Variants in GFRA1 observed in about 807,000 individuals in gnomAD.
The protein encoded by GFRA1 is GDNF family receptor alpha-1.
GFRA1 carries 16 observed loss-of-function variants against 51.6 expected under a neutral mutation model. That is an observed-to-expected ratio of 0.31 (90% CI 0.21 to 0.47). The LOEUF is 0.47. Ranked by LOEUF, GFRA1 falls within the 20% of genes least tolerant of loss-of-function variation. The pLI is 1.00. For synonymous variants in GFRA1, 270 were observed against 241.3 expected (o/e 1.12, Z -1.10); for missense variants, 530 against 594.3 (o/e 0.89, Z 1.13).
rs1417212665 is a variant in GFRA1 at position 116,142,393 on chromosome 10, T to C, written c.434-16836A>G. 2.6e-5 allele frequency among the ~76,000 whole-genome samples: 4 copies of C among 152,310 alleles called. No individual in the cohort carries two copies. The Middle Eastern group carries it at 0.01, about 389-fold the overall frequency. On this transcript the variant is annotated intron_variant, in intron 5 of 10. Coordinates refer to ENST00000355422, the MANE Select transcript of GFRA1 (RefSeq NM_005264.8). Reference sequence around the variant, plus strand: ...GCATCTTTCAGTTCACAGTCCTGAGTTGAAGCCCTTTTATAAGTTGGATTC... The same window carrying C: ...GCATCTTTCAGTTCACAGTCCTGAGCTGAAGCCCTTTTATAAGTTGGATTC...
intron 6 of GFRA1, among the ~76,000 whole-genome samples, chr10:116,104,390 T>C (rs1443701863): frequency 6.6e-6 from 1 of 152,190 alleles, no homozygotes; most frequent in Non-Finnish European, 1.5e-5. Flanking sequence ...CCTTGGCAGC[T>C]CTTGGCTGCG....
intron 5 of GFRA1, among the ~76,000 whole-genome samples, chr10:116,179,364 C>A (rs769511299): frequency 6.6e-6 from 1 of 152,256 alleles, no homozygotes. Context: ...AAGTATTTGG[C>A]TTTTATTTAT....
intron 5 of GFRA1, among the ~76,000 whole-genome samples, chr10:116,179,014 C>T (rs1321501124): frequency 2.0e-5 from 3 of 152,240 alleles, no homozygotes; most frequent in South Asian, 4.2e-4. Flanking sequence ...CCCCGGTTAC[C>T]GACTGCTGGT....
rs928694307 is a variant in GFRA1 at position 116,093,709 on chromosome 10, T to C, written c.1008A>G (p.Thr336=). The C allele has an allele frequency of 6.2e-6, 10 of 1,613,890 alleles. No homozygotes were observed. The highest frequency in any genetic ancestry group is 8.5e-6 in the Non-Finnish European group (10 of 1,179,736). The part of the protein sequence containing the change: ...LKFLNFFKDN[T]CLKNAIQAFG... The stretch of plus-strand genomic sequence containing the variant: ...TATTTTTTACAAACTCACTAAGACA[T>C]GTATTGTCCTTGAAGAAATTCAAAA... The change falls in exon 8 of 11, where the codon ACA becomes ACG. Residue 336 remains threonine (T), a synonymous_variant. Transcript: ENST00000355422.
chr10:116,181,198 G>T (rs539651617), intron 5 of GFRA1, among the ~76,000 whole-genome samples: 1 of 152,320 alleles, frequency 6.6e-6, no homozygotes, highest in Non-Finnish European at 1.5e-5. Flanking sequence ...GTGTGTGGGA[G>T]GTACTGCTAT....
rs533400798 is a variant in GFRA1, at chr10:116,247,274, A to G, written c.418+22229T>C. 9.9e-5 allele frequency among the ~76,000 whole-genome samples: 15 copies of G among 152,284 alleles called. No homozygotes were observed. In the South Asian group the frequency reaches 3.1e-3, roughly 32 times the overall value. ...TATGACCTGTGGGTCCCTTGAATCT[A>G]ACTGCTTCTCATCACTAACCCAAGT... On this transcript the variant is annotated intron_variant, in intron 4 of 10. Coordinates refer to ENST00000355422, the MANE Select transcript of GFRA1 (RefSeq NM_005264.8).
intron 4 of GFRA1, among the ~76,000 whole-genome samples, chr10:116,251,581 C>T (rs1349183120): frequency 6.6e-6 from 1 of 152,196 alleles, no homozygotes; most frequent in South Asian, 2.1e-4. Flanking sequence ...GAGACTCTAA[C>T]TCAGGTGTCT....
intron 6 of GFRA1, among the ~76,000 whole-genome samples, chr10:116,120,512 G>C (rs1322166911): frequency 6.6e-6 from 1 of 152,156 alleles, no homozygotes; most frequent in Non-Finnish European, 1.5e-5. Context: ...TAGAGCCCAG[G>C]AGTTAGAGGC....
chr10:116,209,620 T>G (rs1157184649), intron 5 of GFRA1, among the ~76,000 whole-genome samples: 1 of 151,982 alleles, frequency 6.6e-6, no homozygotes, highest in African/African-American at 2.4e-5. Flanking sequence ...CTTGTTGATT[T>G]CTAGCACAAT....
chr10:116,087,461 A>G (rs1045659084), intron 9 of GFRA1, among the ~76,000 whole-genome samples: 2 of 152,188 alleles, frequency 1.3e-5, no homozygotes, highest in African/African-American at 4.8e-5. Context: ...TGACAAGGCA[A>G]CTTTTGTTTT....
In GFRA1 at chr10:116,064,266, A is replaced by T; in HGVS notation, c.*132T>A. The T allele has an allele frequency of 8.8e-6, 7 of 797,686 alleles. No homozygotes were observed. In the South Asian group the frequency reaches 1.2e-4, roughly 13 times the overall value. 49.4% of individuals were successfully genotyped at this position (797,686 alleles called of 1,614,324 possible). A position where few individuals can be genotyped will look rare whatever the true frequency, so the allele number is the denominator to read the frequency against. ...AAGCTTTCTTAAAAGGAAAAAAAAAAAATGTTCCAGTTGAATGGAACTGTT... is the reference window on the plus strand; with the variant it reads ...AAGCTTTCTTAAAAGGAAAAAAAAATAATGTTCCAGTTGAATGGAACTGTT... On this transcript the variant is annotated 3_prime_UTR_variant, in exon 11 of 11. Transcript: ENST00000355422.
chr10:116,126,875 T>C (rs984757197), intron 5 of GFRA1, among the ~76,000 whole-genome samples: 4 of 152,196 alleles, frequency 2.6e-5, no homozygotes, highest in African/African-American at 9.7e-5. Context: ...GTGCATTTGC[T>C]GCACGTCTAA....
rs147758515 is a variant in GFRA1 at position 116,265,776 on chromosome 10, C to T, written c.418+3727G>A. Reference sequence around the variant, plus strand: ...CACTTCTGTGTTCCTGCCTCTCCTCCGACATCCTCTTGCACCGGCGCACTT... The same window carrying T: ...CACTTCTGTGTTCCTGCCTCTCCTCTGACATCCTCTTGCACCGGCGCACTT... On this transcript the variant is annotated intron_variant, in intron 4 of 10. Coordinates refer to ENST00000355422, the MANE Select transcript of GFRA1 (RefSeq NM_005264.8). Among the ~76,000 whole-genome samples, 479 of 152,250 alleles carry T rather than the reference C, an allele frequency of 3.1e-3. 2 individuals carry two copies. The highest frequency in any genetic ancestry group is 4.8e-3 in the Non-Finnish European group (327 of 68,022).
chr10:116,151,731 T>C (rs139112849), intron 5 of GFRA1, among the ~76,000 whole-genome samples: 49 of 152,240 alleles, frequency 3.2e-4, no homozygotes, highest in Non-Finnish European at 6.0e-4. Context: ...TGGCAGACCA[T>C]TGGCCTTAAG....
At chr10:116,252,825 T>C (rs1267045414) in intron 4 of GFRA1, among the ~76,000 whole-genome samples, 1 of 152,184 alleles carries the variant, frequency 6.6e-6, no homozygotes, top group Non-Finnish European at 1.5e-5. Context: ...CAGCAGATAC[T>C]GTCTACATTT....
At chr10:116,258,988 T>C (rs4303156) in intron 4 of GFRA1, among the ~76,000 whole-genome samples, 146,300 of 152,302 alleles carry the variant, frequency 0.96, 70,543 homozygotes, top group East Asian at 1. Flanking sequence ...TATAGTGGTT[T>C]CATTGAGAAC....
At chr10:116,134,294 A>T (rs1565600401) in intron 5 of GFRA1, among the ~76,000 whole-genome samples, 1 of 152,206 alleles carries the variant, frequency 6.6e-6, no homozygotes, top group Non-Finnish European at 1.5e-5. Flanking sequence ...ATTAATTACT[A>T]TGTTAATATA....
At chr10:116,200,559 C>T (rs764724041) in intron 5 of GFRA1, among the ~76,000 whole-genome samples, 77 of 152,278 alleles carry the variant, frequency 5.1e-4, no homozygotes, top group South Asian at 2.1e-4. Flanking sequence ...ATTTATTTAG[C>T]GACAAATACT....
At position 116,065,566 on chromosome 10, in the gene GFRA1, T is replaced by C; in HGVS notation, c.1251+7A>G. On this transcript the variant is annotated splice_region_variant and intron_variant, in intron 10 of 10. Coordinates refer to ENST00000355422, the MANE Select transcript of GFRA1 (RefSeq NM_005264.8). ...ATGCACGAAGCCTCCAAAAGAAACA[T>C]ACTTACATTGGAAATACAGAGGTGT... 5 of 1,610,538 alleles carry C rather than the reference T, an allele frequency of 3.1e-6. No homozygotes were observed. Among genetic ancestry groups the C allele is most frequent in the Non-Finnish European group, 4.2e-6 (5 of 1,176,802 alleles).
Sources: gnomAD v4.1 joint callset for allele counts (sites outside exome capture counted in the v4.1 genomes callset) on GRCh38, gnomAD v4.1.1 for gene constraint, MANE v1.5 for transcripts, NCBI Gene and HGNC (gene_info 2026-07-23, HGNC 2026-07-21) for gene names.